STK32C: variants seen among roughly 807,000 people sequenced by gnomAD.
STK32C encodes serine/threonine kinase 32C, also known as serine/threonine-protein kinase 32C.
In STK32C, 31 loss-of-function variants were observed where a neutral mutation model predicts 56.5. That is an observed-to-expected ratio of 0.55 (90% CI 0.41 to 0.74). STK32C has a LOEUF of 0.74. Ranked by LOEUF, STK32C falls within the 30% of genes least tolerant of loss-of-function variation. The pLI is 0.00. For synonymous variants in STK32C, 309 were observed against 289.4 expected (o/e 1.07, Z -0.69); for missense variants, 544 against 676.9 (o/e 0.80, Z 2.18).
chr10:132,278,856 T>C (rs2065068141), intron 1 of STK32C, among the ~76,000 whole-genome samples: 1 of 151,738 alleles, frequency 6.6e-6, no homozygotes, highest in African/African-American at 2.4e-5. Flanking sequence ...ACAAGGAACT[T>C]ATACAGATTA....
rs573980340 is a variant in STK32C at position 132,288,669 on chromosome 10, C to T, written c.262+18903G>A. ...AATTAAACATATTCCTATGCACCAG[C>T]AATAAAAATTTTTAAATACAACTAA... On this transcript the variant is annotated intron_variant, in intron 1 of 11. Transcript: ENST00000298630. Among the ~76,000 whole-genome samples the T allele has an allele frequency of 9.9e-4, 151 of 152,160 alleles. 1 individual carries two copies. The highest frequency in any genetic ancestry group is 6.8e-3 in the Middle Eastern group (2 of 294).
intron 1 of STK32C, among the ~76,000 whole-genome samples, chr10:132,318,355 C>G (rs1469485486): frequency 1.3e-5 from 2 of 152,060 alleles, no homozygotes; most frequent in Non-Finnish European, 2.9e-5. Flanking sequence ...GTGGCTCACG[C>G]TTGTAATCCC....
intron 2 of STK32C, chr10:132,228,337 G>C: frequency 3.1e-6 from 2 of 642,818 alleles, no homozygotes; most frequent in Admixed American, 4.5e-5. Context: ...GGATTAAGAT[G>C]TGGGTGTTTT....
At chr10:132,262,416 T>C (rs1165174411) in intron 1 of STK32C, among the ~76,000 whole-genome samples, 1 of 152,034 alleles carries the variant, frequency 6.6e-6, no homozygotes, top group Admixed American at 6.6e-5. Flanking sequence ...GCAATTTCCA[T>C]AAAAACGAAA....
intron 1 of STK32C, among the ~76,000 whole-genome samples, chr10:132,272,064 G>A (rs1323887085): frequency 6.6e-6 from 1 of 152,228 alleles, no homozygotes; most frequent in Non-Finnish European, 1.5e-5. Context: ...CGGCAGGGTA[G>A]GTGTGTCGTG....
intron 1 of STK32C, among the ~76,000 whole-genome samples, chr10:132,257,175 G>A (rs544505956): frequency 1.3e-5 from 2 of 152,252 alleles, no homozygotes; most frequent in Admixed American, 6.5e-5. Flanking sequence ...GTGGATACAG[G>A]ACATGCCCTG....
intron 1 of STK32C, among the ~76,000 whole-genome samples, chr10:132,252,639 C>A (rs1173768126): frequency 6.6e-6 from 1 of 152,200 alleles, no homozygotes; most frequent in Non-Finnish European, 1.5e-5. Context: ...CAACGGCGGG[C>A]GTGGGATGGA....
chr10:132,299,986 C>T (rs2065866619), intron 1 of STK32C, among the ~76,000 whole-genome samples: 1 of 152,238 alleles, frequency 6.6e-6, no homozygotes, highest in Non-Finnish European at 1.5e-5. Context: ...CCCCCGCGGA[C>T]TCCTGCTCAC....
chr10:132,315,786 A>G (rs191089243), intron 1 of STK32C, among the ~76,000 whole-genome samples: 1 of 152,380 alleles, frequency 6.6e-6, no homozygotes, highest in East Asian at 1.9e-4. Flanking sequence ...CAAGTGTGCA[A>G]GAAATATTAA....
At chr10:132,315,671 G>T (rs929398810) in intron 1 of STK32C, among the ~76,000 whole-genome samples, 1 of 152,140 alleles carries the variant, frequency 6.6e-6, no homozygotes, top group South Asian at 2.1e-4. Context: ...ACACACATAC[G>T]CAATTACTAA....
intron 1 of STK32C, among the ~76,000 whole-genome samples, chr10:132,316,959 T>C (rs1447737501): frequency 7.2e-6 from 1 of 138,994 alleles, no homozygotes; most frequent in Non-Finnish European, 1.5e-5. Flanking sequence ...GTCAAGATCA[T>C]GCCACTGCAC....
chr10:132,269,683 C>T (rs2064753340), intron 1 of STK32C, among the ~76,000 whole-genome samples: 1 of 152,236 alleles, frequency 6.6e-6, no homozygotes, highest in Admixed American at 6.5e-5. Flanking sequence ...ACCACATCCA[C>T]CTGGGAGCAT....
At position 132,224,494 on chromosome 10, in the gene STK32C, G is replaced by C. The variant is rs545038961; in HGVS notation, c.906C>G (p.Ala302=). 6.3e-7 allele frequency: 1 copy of C among 1,589,324 alleles called. No individual in the cohort carries two copies. Among genetic ancestry groups the C allele is most frequent in the East Asian group, 2.3e-5 (1 of 43,928 alleles). ...WRPYDIHSSN[A]VESLVQLFST... ...TGAACAGCTGCACCAGGGACTCCACGGCGTTGCTGGAGTGGATGTCATAGG... is the reference window on the plus strand; with the variant it reads ...TGAACAGCTGCACCAGGGACTCCACCGCGTTGCTGGAGTGGATGTCATAGG... The change falls in exon 8 of 12, where the codon GCC becomes GCG. Residue 302 remains alanine, a synonymous_variant. Coordinates refer to ENST00000298630, the MANE Select transcript of STK32C (RefSeq NM_173575.4).
intron 10 of STK32C, chr10:132,209,467 C>T (rs1048033867): frequency 7.0e-6 from 3 of 431,312 alleles, no homozygotes; most frequent in African/African-American, 6.0e-5. Context: ...CCCCTCATCA[C>T]AGCACACACA....
chr10:132,277,507 C>A (rs1334021778), intron 1 of STK32C, among the ~76,000 whole-genome samples: 1 of 152,238 alleles, frequency 6.6e-6, no homozygotes, highest in African/African-American at 2.4e-5. Context: ...CTGTGCCCAC[C>A]GCCTTGCTGG....
rs186295943 is a variant in STK32C, at chr10:132,257,583, G to A, written c.263-11628C>T. On this transcript the variant is annotated intron_variant, in intron 1 of 11. Coordinates refer to ENST00000298630, the MANE Select transcript of STK32C (RefSeq NM_173575.4). ...GATGCTGCCTGTTCTGGCACAGAAA[G>A]CCACATCACCCCTGTCCACCCCATC... Among the ~76,000 whole-genome samples, 109 of 152,174 alleles carry A rather than the reference G, an allele frequency of 7.2e-4. 1 individual carries two copies. In the East Asian group the frequency reaches 0.015, roughly 21 times the overall value.
chr10:132,291,629 T>C (rs2065566672), intron 1 of STK32C, among the ~76,000 whole-genome samples: 1 of 152,092 alleles, frequency 6.6e-6, no homozygotes, highest in Non-Finnish European at 1.5e-5. Context: ...CCAGGTACCA[T>C]CCTTCACGCA....
chr10:132,308,005 GGCTTCTGGAAGGGGCGGGGGCGGGGCGGA>G, upstream of STK32C: 1 of 942,672 alleles, frequency 1.1e-6, no homozygotes, highest in Non-Finnish European at 1.3e-6. Context: ...GCAGGGGCGG[GGCTTCTGGAAGGGGCGGGGGCGGGGCGGA>G]GCTCCTGGAA....
At chr10:132,224,317 G>A (rs1283560882) in intron 8 of STK32C, 90 bp downstream of exon 8, 2 of 930,640 alleles carry the variant, frequency 2.1e-6, no homozygotes, top group Non-Finnish European at 3.4e-6. Flanking sequence ...GGCACTAACT[G>A]TGCACTGGAG....
Sources: allele counts gnomAD v4.1 joint callset (sites outside exome capture counted in the v4.1 genomes callset), GRCh38; gene constraint gnomAD v4.1.1; transcripts MANE v1.5; gene names NCBI Gene and HGNC (gene_info 2026-07-23, HGNC 2026-07-21).